The following NHSL1 variants were observed in gnomAD, a reference collection of about 807,000 sequenced individuals.
The protein encoded by NHSL1 is NHS-like protein 1.
A neutral mutation model predicts 95.0 loss-of-function variants in NHSL1; 48 were observed. The observed-to-expected ratio is 0.51, with a 90% CI of 0.40 to 0.64. The LOEUF is 0.64. Ranked by LOEUF, NHSL1 falls within the 30% of genes least tolerant of loss-of-function variation. The pLI is 0.00. For missense variants in NHSL1, 1,971 were observed against 2,077.7 expected, an observed-to-expected ratio of 0.95 and a Z score of 1.00; for synonymous variants, 783 against 833.9, an observed-to-expected ratio of 0.94 and a Z score of 1.05.
At chr6:138,481,849 TA>T in intron 2 of NHSL1, among the ~76,000 whole-genome samples, 1 of 152,194 alleles carries the variant, frequency 6.6e-6, no homozygotes, top group Middle Eastern at 3.2e-3. Context: ...TTTGAGCCCA[TA>T]AGACCACTTC....
intron 3 of NHSL1, among the ~76,000 whole-genome samples, chr6:138,447,400 T>C (rs1176917609): frequency 1.3e-5 from 2 of 152,184 alleles, no homozygotes; most frequent in Admixed American, 1.3e-4. Flanking sequence ...GTCTGTAAAC[T>C]GTGAGGACTG....
chr6:138,570,532 T>A (rs148707992), intron 1 of NHSL1, among the ~76,000 whole-genome samples: 77 of 152,358 alleles, frequency 5.1e-4, no homozygotes, highest in Non-Finnish European at 9.4e-4. Flanking sequence ...GATCACCTTG[T>A]TGATACAATA....
At chr6:138,486,822 G>C (rs898167650) in intron 2 of NHSL1, among the ~76,000 whole-genome samples, 5 of 152,232 alleles carry the variant, frequency 3.3e-5, no homozygotes, top group Non-Finnish European at 7.3e-5. Context: ...GTCAAGTAGG[G>C]AGATAAACAT....
At chr6:138,625,832 T>C (rs576789763) in intron 1 of NHSL1, among the ~76,000 whole-genome samples, 2 of 152,022 alleles carry the variant, frequency 1.3e-5, no homozygotes, top group Admixed American at 1.3e-4. Context: ...TCTGTAGAGA[T>C]AGGGTCTCAC....
chr6:138,476,437 A>G (rs1192872206), intron 2 of NHSL1, among the ~76,000 whole-genome samples: 1 of 152,196 alleles, frequency 6.6e-6, no homozygotes, highest in Non-Finnish European at 1.5e-5. Context: ...ATTAGTGGGA[A>G]CCAAACAATT....
At chr6:138,434,947 C>G (rs906242009) in intron 5 of NHSL1, among the ~76,000 whole-genome samples, 3 of 152,182 alleles carry the variant, frequency 2.0e-5, no homozygotes, top group African/African-American at 7.2e-5. Context: ...CAGCATAAAG[C>G]CTTCTCCTTC....
At position 138,442,123 on chromosome 6, in the gene NHSL1, G is replaced by T. The variant is rs1304083144; in HGVS notation, c.533-9C>A. ...GCGATCGAAATTCTCCCCTAATGTA[G>T]AGTAGTAGAACAAGCAAAGCAATGT... On this transcript the variant is annotated splice_polypyrimidine_tract_variant and intron_variant, in intron 4 of 7. Coordinates refer to ENST00000343505, the MANE Select transcript of NHSL1 (RefSeq NM_001144060.2). 1 of 1,543,226 alleles carries T rather than the reference G, an allele frequency of 6.5e-7. No homozygotes were observed. Among genetic ancestry groups the T allele is most frequent in the East Asian group, 2.5e-5 (1 of 40,612 alleles).
At chr6:138,623,575 T>C (rs12527805) in intron 1 of NHSL1, among the ~76,000 whole-genome samples, 16,829 of 152,234 alleles carry the variant, frequency 0.11, 1,182 homozygotes, top group Middle Eastern at 0.19. Flanking sequence ...TACAATACAT[T>C]GTTATTAACT....
intron 1 of NHSL1, among the ~76,000 whole-genome samples, chr6:138,586,383 T>C (rs7765298): frequency 0.47 from 71,107 of 152,058 alleles, 18,736 homozygotes; most frequent in African/African-American, 0.71. Context: ...GCATAAGCCA[T>C]TGTGCCCAGC....
At chr6:138,523,288 G>A (rs1270037431) in intron 1 of NHSL1, among the ~76,000 whole-genome samples, 1 of 151,996 alleles carries the variant, frequency 6.6e-6, no homozygotes, top group Non-Finnish European at 1.5e-5. Flanking sequence ...ATTAAAGAGA[G>A]TTTTTAAATT....
intron 1 of NHSL1, among the ~76,000 whole-genome samples, chr6:138,639,886 CTTT>C (rs35629338): frequency 1.6e-5 from 2 of 123,228 alleles, no homozygotes; most frequent in Admixed American, 8.4e-5. Context: ...CAAATTTTAG[CTTT>C]TTTTTTTTTT....
At chr6:138,618,009 T>C (rs894738778) in intron 1 of NHSL1, among the ~76,000 whole-genome samples, 2 of 152,192 alleles carry the variant, frequency 1.3e-5, no homozygotes, top group African/African-American at 4.8e-5. Flanking sequence ...GTGTCAAAAA[T>C]AGAAAACCTC....
chr6:138,613,737 T>C (rs1385573781), intron 1 of NHSL1, among the ~76,000 whole-genome samples: 2 of 152,100 alleles, frequency 1.3e-5, no homozygotes, highest in Non-Finnish European at 2.9e-5. Flanking sequence ...AATAAGGACA[T>C]TTGATAAGAC....
chr6:138,499,152 C>A (rs1780530015), intron 1 of NHSL1, 81 bp downstream of exon 1: 2 of 851,862 alleles, frequency 2.3e-6, no homozygotes, highest in Admixed American at 2.3e-5. Flanking sequence ...CACACACACA[C>A]ACACACAGAC....
intron 1 of NHSL1, among the ~76,000 whole-genome samples, chr6:138,598,675 A>G (rs905297326): frequency 1.3e-5 from 2 of 151,370 alleles, no homozygotes; most frequent in Non-Finnish European, 2.9e-5. Flanking sequence ...TCTAAGAACT[A>G]CTAAAAATAT....
At chr6:138,629,850 T>C (rs1439561201) in intron 1 of NHSL1, among the ~76,000 whole-genome samples, 1 of 152,252 alleles carries the variant, frequency 6.6e-6, no homozygotes, top group East Asian at 1.9e-4. Context: ...AATTGATTTC[T>C]ACAAAACCAG....
chr6:138,573,851 C>T (rs953273853), upstream of NHSL1, among the ~76,000 whole-genome samples: 14 of 152,336 alleles, frequency 9.2e-5, no homozygotes, highest in African/African-American at 3.4e-4. Context: ...GATTCACACA[C>T]TTACCAGGGA....
chr6:138,455,685 G>C (rs942128703), intron 3 of NHSL1, among the ~76,000 whole-genome samples: 1 of 152,198 alleles, frequency 6.6e-6, no homozygotes, highest in Non-Finnish European at 1.5e-5. Context: ...TCATGGGGCT[G>C]TTTGTGGAAA....
chr6:138,424,410 C>T lies in NHSL1; in HGVS notation c.4492G>A (p.Gly1498Ser). The T allele has an allele frequency of 2.6e-6, 4 of 1,550,056 alleles. No homozygotes were observed. The highest frequency in any genetic ancestry group is 2.0e-5 in the Admixed American group (1 of 50,968). ...GCAGAAGGCGGCGTTCGGCTGCGGC[C>T]GTACCTGGGGCCGGAAAAGGACAGA... ...RSLSFSGPRYGRSRTPPSAAS... is the reference protein window; with the variant it reads ...RSLSFSGPRYSRSRTPPSAAS... Residue 1498 changes from glycine to serine, a missense_variant, in exon 8 of 8, where the codon GGC becomes AGC. Gly to Ser is a moderately conservative substitution (Grantham distance 56, BLOSUM62 0). This residue lies in a region of NHSL1 where 223 missense variants were observed against 217.0 expected (regional missense o/e 1.03). Transcript: ENST00000343505. The surrounding 1 kb of genome is among the most constrained non-coding windows in gnomAD (Gnocchi z 5.9).
Sources: gnomAD v4.1 joint callset for allele counts (sites outside exome capture counted in the v4.1 genomes callset) on GRCh38, gnomAD v4.1.1 for gene constraint, gnomAD v4.1.1 regional missense constraint, Gnocchi (gnomAD v3.1) non-coding constraint, MANE v1.5 for transcripts, NCBI Gene and HGNC (gene_info 2026-07-23, HGNC 2026-07-21) for gene names.